The following NLGN1 variants were observed in gnomAD, a reference collection of about 807,000 sequenced individuals.
NLGN1 encodes neuroligin-1.
In NLGN1, 12 loss-of-function variants were observed where a neutral mutation model predicts 65.5. That is an observed-to-expected ratio of 0.18 (90% CI 0.12 to 0.30). NLGN1 has a LOEUF of 0.30. Ranked by LOEUF, NLGN1 falls within the 10% of genes least tolerant of loss-of-function variation. NLGN1 has a pLI of 1.00. For missense variants in NLGN1, 750 were observed against 1,007.1 expected, an observed-to-expected ratio of 0.74 and a Z score of 3.46; for synonymous variants, 350 against 359.5, an observed-to-expected ratio of 0.97 and a Z score of 0.30.
chr3:173,534,860 C>G (rs1350863352), intron 2 of NLGN1, among the ~76,000 whole-genome samples: 1 of 152,212 alleles, frequency 6.6e-6, no homozygotes, highest in Non-Finnish European at 1.5e-5. Context: ...TCCCCACCCC[C>G]TGCAACATTC....
chr3:174,114,487 G>A (rs943100251), intron 4 of NLGN1, among the ~76,000 whole-genome samples: 20 of 152,028 alleles, frequency 1.3e-4, no homozygotes, highest in Admixed American at 9.2e-4. Flanking sequence ...AAATGGATGC[G>A]TCATACCAAT....
At chr3:173,763,447 C>G (rs1007927472) in intron 3 of NLGN1, among the ~76,000 whole-genome samples, 5 of 152,174 alleles carry the variant, frequency 3.3e-5, no homozygotes, top group African/African-American at 1.2e-4. Context: ...ATGGAAAGCA[C>G]AGCAGAAATT....
intron 1 of NLGN1, among the ~76,000 whole-genome samples, chr3:173,432,213 G>A (rs1376794369): frequency 6.6e-6 from 1 of 152,194 alleles, no homozygotes; most frequent in Non-Finnish European, 1.5e-5. Context: ...CTATATGGAC[G>A]TAAGTTTTCA....
At chr3:173,709,351 G>A (rs545425691) in intron 3 of NLGN1, among the ~76,000 whole-genome samples, 73 of 152,276 alleles carry the variant, frequency 4.8e-4, no homozygotes, top group African/African-American at 1.7e-3. Context: ...GCTCAGTCCA[G>A]AAGAAATACT....
intron 4 of NLGN1, among the ~76,000 whole-genome samples, chr3:173,862,375 G>A (rs1409551775): frequency 1.3e-5 from 2 of 150,316 alleles, no homozygotes; most frequent in African/African-American, 2.4e-5. Flanking sequence ...GCGTAGTGGC[G>A]GGCGCCTGTA....
At chr3:173,483,729 G>A (rs1727687495) in intron 2 of NLGN1, among the ~76,000 whole-genome samples, 1 of 151,968 alleles carries the variant, frequency 6.6e-6, no homozygotes, top group Non-Finnish European at 1.5e-5. Flanking sequence ...TAGAGTGGAA[G>A]GGCCCTTGCA....
intron 3 of NLGN1, among the ~76,000 whole-genome samples, chr3:173,721,052 A>T (rs1354245213): frequency 1.3e-5 from 2 of 152,184 alleles, no homozygotes; most frequent in African/African-American, 4.8e-5. Context: ...TTTATTATTT[A>T]AAGACTGCGT....
At chr3:174,041,706 G>T (rs1269373184) in intron 4 of NLGN1, among the ~76,000 whole-genome samples, 1 of 152,068 alleles carries the variant, frequency 6.6e-6, no homozygotes, top group African/African-American at 2.4e-5. Context: ...CTGATTTTGA[G>T]CACTTTTTCG....
intron 4 of NLGN1, among the ~76,000 whole-genome samples, chr3:174,171,977 C>T (rs1306625634): frequency 6.6e-6 from 1 of 152,018 alleles, no homozygotes; most frequent in Admixed American, 6.6e-5. Context: ...TACTGAGACC[C>T]AAATTCTAAT....
intron 3 of NLGN1, among the ~76,000 whole-genome samples, chr3:173,681,727 C>T (rs1435535954): frequency 6.6e-6 from 1 of 152,128 alleles, no homozygotes; most frequent in African/African-American, 2.4e-5. Context: ...CTCTCTGCAC[C>T]GTGTTCCTTC....
chr3:173,488,876 C>A (rs950669253), intron 2 of NLGN1, among the ~76,000 whole-genome samples: 3 of 151,046 alleles, frequency 2.0e-5, no homozygotes, highest in Non-Finnish European at 4.4e-5. Flanking sequence ...TCCTCTGAAA[C>A]TTTTATTAGG....
At chr3:174,018,066 G>A (rs1184842702) in intron 4 of NLGN1, among the ~76,000 whole-genome samples, 1 of 152,072 alleles carries the variant, frequency 6.6e-6, no homozygotes, top group Non-Finnish European at 1.5e-5. Context: ...CTACCCCTGG[G>A]AACGCATTCT....
intron 4 of NLGN1, among the ~76,000 whole-genome samples, chr3:173,870,067 T>C (rs1408807205): frequency 1.3e-5 from 2 of 152,192 alleles, no homozygotes; most frequent in Non-Finnish European, 2.9e-5. Flanking sequence ...GTGTGAAGTA[T>C]GCTAGATTAT....
intron 4 of NLGN1, among the ~76,000 whole-genome samples, chr3:173,930,203 T>C (rs1199249301): frequency 6.6e-6 from 1 of 152,238 alleles, no homozygotes; most frequent in Non-Finnish European, 1.5e-5. Flanking sequence ...ATTTATACTT[T>C]AATATCATTT....
intron 4 of NLGN1, among the ~76,000 whole-genome samples, chr3:173,897,361 C>T (rs947238189): frequency 6.6e-6 from 1 of 152,160 alleles, no homozygotes; most frequent in African/African-American, 2.4e-5. Flanking sequence ...AATTTGGTAT[C>T]TTCCCTTGAA....
At chr3:173,491,053 G>T (rs1407675486) in intron 2 of NLGN1, among the ~76,000 whole-genome samples, 3 of 151,814 alleles carry the variant, frequency 2.0e-5, no homozygotes, top group East Asian at 3.9e-4. Flanking sequence ...GGGACAATTT[G>T]ACTTCCTCTT....
At chr3:173,833,245 T>C (rs1451938156) in intron 4 of NLGN1, among the ~76,000 whole-genome samples, 1 of 152,164 alleles carries the variant, frequency 6.6e-6, no homozygotes, top group East Asian at 1.9e-4. Flanking sequence ...AAAAACCCTT[T>C]TACTGTGTAT....
At chr3:174,065,934 T>A (rs1375820125) in intron 4 of NLGN1, among the ~76,000 whole-genome samples, 3 of 152,068 alleles carry the variant, frequency 2.0e-5, no homozygotes, top group African/African-American at 7.2e-5. Flanking sequence ...AACAATCACA[T>A]GAGTGAGCCA....
chr3:173,887,871 T>A (rs541261394), intron 4 of NLGN1, among the ~76,000 whole-genome samples: 1 of 151,552 alleles, frequency 6.6e-6, no homozygotes, highest in Admixed American at 6.6e-5. Context: ...AAAATAACAC[T>A]AAAAAAAACC....
Sources: allele counts gnomAD v4.1 joint callset (sites outside exome capture counted in the v4.1 genomes callset), GRCh38; gene constraint gnomAD v4.1.1; transcripts MANE v1.5; gene names NCBI Gene and HGNC (gene_info 2026-07-23, HGNC 2026-07-21).